The following AGBL4 variants were observed in gnomAD, a reference collection of about 807,000 sequenced individuals.
AGBL4 encodes cytosolic carboxypeptidase 6.
A neutral mutation model predicts 66.4 loss-of-function variants in AGBL4; 58 were observed. The ratio of observed to expected loss-of-function variants is 0.87; its 90% CI spans 0.71 to 1.09. The LOEUF is 1.09. AGBL4 is among the 50% of genes least tolerant of loss of function. The pLI, the probability that AGBL4 is intolerant of heterozygous loss-of-function variation, is 0.00. For synonymous variants in AGBL4, 234 were observed against 222.9 expected, an observed-to-expected ratio of 1.05 and a Z score of -0.44; for missense variants, 579 against 631.0, an observed-to-expected ratio of 0.92 and a Z score of 0.88.
At chr1:49,824,857 C>T (rs566702077) in intron 2 of AGBL4, among the ~76,000 whole-genome samples, 25 of 152,282 alleles carry the variant, frequency 1.6e-4, no homozygotes, top group Non-Finnish European at 2.9e-4. Flanking sequence ...TCATAAGATG[C>T]GTGGGCTTCA....
intron 3 of AGBL4, chr1:49,374,281 C>T (rs1050332249): frequency 6.6e-6 from 1 of 151,776 alleles, no homozygotes; most frequent in African/African-American, 2.4e-5. Flanking sequence ...ATATCCGAAG[C>T]CAGTTGTCCT....
At chr1:49,779,896 C>T (rs900579111) in intron 2 of AGBL4, among the ~76,000 whole-genome samples, 1 of 150,812 alleles carries the variant, frequency 6.6e-6, no homozygotes, top group African/African-American at 2.4e-5. Context: ...ATAGGCAAAA[C>T]GTTGAAAGAA....
intron 3 of AGBL4, among the ~76,000 whole-genome samples, chr1:49,411,641 A>G (rs553748284): frequency 6.6e-6 from 1 of 152,240 alleles, no homozygotes; most frequent in African/African-American, 2.4e-5. Context: ...GAATAAAAAT[A>G]GTGAATCAAG....
chr1:49,257,506 G>C (rs922778761), intron 3 of AGBL4: 3 of 152,744 alleles, frequency 2.0e-5, no homozygotes, highest in African/African-American at 7.2e-5. Flanking sequence ...CTGGTGCGCC[G>C]TTTCCTAAGC....
chr1:48,867,373 T>G (rs1648209416), intron 5 of AGBL4, 143 bp from the exon 6 acceptor site: 2 of 849,488 alleles, frequency 2.4e-6, no homozygotes. Context: ...CTTCCAATTC[T>G]GCAGAGAGGG....
intron 1 of AGBL4, among the ~76,000 whole-genome samples, chr1:49,880,145 C>A (rs1647173185): frequency 6.6e-6 from 1 of 151,882 alleles, no homozygotes; most frequent in Non-Finnish European, 1.5e-5. Flanking sequence ...TCGTCTGAAG[C>A]CTTCCTCTCT....
intron 2 of AGBL4, among the ~76,000 whole-genome samples, chr1:49,783,125 A>T (rs1484765306): frequency 6.6e-6 from 1 of 152,188 alleles, no homozygotes; most frequent in Non-Finnish European, 1.5e-5. Context: ...ACTATGAGAA[A>T]TAAGTATGTG....
intron 6 of AGBL4, among the ~76,000 whole-genome samples, chr1:48,770,002 A>T (rs955569755): frequency 2.6e-5 from 4 of 152,296 alleles, no homozygotes; most frequent in Middle Eastern, 3.4e-3. Context: ...GCAGGGTTCC[A>T]TCCTAAAATA....
chr1:49,131,312 T>G (rs893955761), intron 4 of AGBL4, among the ~76,000 whole-genome samples: 2 of 152,008 alleles, frequency 1.3e-5, no homozygotes, highest in Non-Finnish European at 2.9e-5. Flanking sequence ...TTGATTGTGG[T>G]GGTGATTACA....
intron 1 of AGBL4, among the ~76,000 whole-genome samples, chr1:49,930,460 C>G (rs1203300086): frequency 6.6e-6 from 1 of 151,920 alleles, no homozygotes; most frequent in African/African-American, 2.4e-5. Flanking sequence ...GTACAAAAAC[C>G]AAATGAAGAC....
chr1:48,957,495 T>C (rs1332051125), intron 5 of AGBL4, among the ~76,000 whole-genome samples: 2 of 152,188 alleles, frequency 1.3e-5, no homozygotes, highest in Non-Finnish European at 2.9e-5. Flanking sequence ...GATTTAAGCA[T>C]CTTTGGCTCT....
intron 2 of AGBL4, among the ~76,000 whole-genome samples, chr1:49,843,691 G>A (rs1418980964): frequency 6.6e-6 from 1 of 152,156 alleles, no homozygotes; most frequent in Non-Finnish European, 1.5e-5. Context: ...CATGTAATGG[G>A]AAACATACAG....
intron 2 of AGBL4, among the ~76,000 whole-genome samples, chr1:49,783,429 T>C (rs900702462): frequency 3.3e-5 from 5 of 152,144 alleles, no homozygotes; most frequent in Non-Finnish European, 7.4e-5. Context: ...AAATGGTCAT[T>C]GCAATAGATG....
At chr1:49,942,220 G>A (rs557249600) in intron 1 of AGBL4, among the ~76,000 whole-genome samples, 12 of 151,934 alleles carry the variant, frequency 7.9e-5, no homozygotes, top group African/African-American at 2.2e-4. Flanking sequence ...ACCTCATGTC[G>A]ATAGACCGGG....
chr1:49,856,411 C>T (rs1221583188), intron 1 of AGBL4, among the ~76,000 whole-genome samples: 1 of 151,872 alleles, frequency 6.6e-6, no homozygotes, highest in Non-Finnish European at 1.5e-5. Flanking sequence ...GATACCAATA[C>T]CAGAGAAGGA....
At chr1:49,432,596 A>G (rs1302422914) in intron 3 of AGBL4, among the ~76,000 whole-genome samples, 1 of 152,194 alleles carries the variant, frequency 6.6e-6, no homozygotes, top group Non-Finnish European at 1.5e-5. Flanking sequence ...TTTATAAAAT[A>G]GAATCATACT....
intron 4 of AGBL4, among the ~76,000 whole-genome samples, chr1:49,173,957 G>A (rs1310761129): frequency 6.6e-6 from 1 of 152,132 alleles, no homozygotes; most frequent in Non-Finnish European, 1.5e-5. Flanking sequence ...TGAAAACTAA[G>A]CATATGATTT....
intron 3 of AGBL4, among the ~76,000 whole-genome samples, chr1:49,497,488 T>C (rs781364802): frequency 4.5e-4 from 69 of 152,142 alleles, no homozygotes; most frequent in African/African-American, 1.7e-3. Context: ...TTTTCCCCTA[T>C]ATTTTCTTCT....
At chr1:49,550,319 G>A (rs547826044) in intron 3 of AGBL4, among the ~76,000 whole-genome samples, 2 of 152,242 alleles carry the variant, frequency 1.3e-5, no homozygotes, top group South Asian at 2.1e-4. Flanking sequence ...CATTCATAGT[G>A]CTATTTGTTG....
Sources: gnomAD v4.1 joint callset for allele counts (sites outside exome capture counted in the v4.1 genomes callset) on GRCh38, gnomAD v4.1.1 for gene constraint, MANE v1.5 for transcripts, NCBI Gene and HGNC (gene_info 2026-07-23, HGNC 2026-07-21) for gene names.